SLMAP: variants seen among roughly 807,000 people sequenced by gnomAD.
SLMAP encodes the protein sarcolemmal membrane-associated protein.
In SLMAP, 44 loss-of-function variants were observed where a neutral mutation model predicts 128.8. The ratio of observed to expected loss-of-function variants is 0.34; its 90% CI spans 0.27 to 0.44. The LOEUF is 0.44. Among genes scored for constraint, SLMAP ranks in the 20% least tolerant of loss-of-function variants. The probability of loss-of-function intolerance (pLI) is 1.00; values close to 1 mark genes in which losing one functional copy is unlikely to be tolerated. For missense variants in SLMAP, 787 were observed against 985.3 expected, an observed-to-expected ratio of 0.80 and a Z score of 2.69; for synonymous variants, 327 against 348.8, an observed-to-expected ratio of 0.94 and a Z score of 0.70.
chr3:57,872,891 A>T (rs2095515548), intron 14 of SLMAP, among the ~76,000 whole-genome samples: 1 of 152,098 alleles, frequency 6.6e-6, no homozygotes, highest in African/African-American at 2.4e-5. Context: ...CCTTTCTTGG[A>T]AATGTGGTTT....
intron 2 of SLMAP, among the ~76,000 whole-genome samples, chr3:57,821,940 T>A (rs2092560080): frequency 6.6e-6 from 1 of 151,844 alleles, no homozygotes; most frequent in Non-Finnish European, 1.5e-5. Context: ...CTCCTCCTCC[T>A]CTTTCTCCTT....
In SLMAP at chr3:57,757,504, A is replaced by C. The variant is rs1423163274; in HGVS notation, c.-148A>C. On this transcript the variant is annotated 5_prime_UTR_variant, in exon 2 of 25. It removes an upstream start codon present in the reference 5' UTR. Coordinates refer to ENST00000671191, the MANE Select transcript of SLMAP (RefSeq NM_001377540.1). ...GTCTTCCCACCCAAGTGAAGAGTTG[A>C]TGTTCACTGGTTATGCTTAGACAAT... is the stretch of plus-strand genomic sequence containing the variant. 5.8e-6 allele frequency: 4 copies of C among 687,548 alleles called. No homozygotes were observed. The highest frequency in any genetic ancestry group is 1.0e-5 in the Non-Finnish European group (4 of 400,340). The allele number at this position is 687,548 out of a possible 1,614,324, so 42.6% of individuals were successfully genotyped here.
intron 17 of SLMAP, among the ~76,000 whole-genome samples, chr3:57,906,337 A>T: frequency 2.1e-5 from 1 of 46,874 alleles, no homozygotes; most frequent in African/African-American, 8.1e-5. Flanking sequence ...TTTTTTAGAG[A>T]CACAGTCACT....
chr3:57,864,580 G>A lies in SLMAP; in HGVS notation c.999G>A (p.Gln333=), dbSNP rs753129704. ...AGGGAAAACAAGAGGAAATCCAACA[G>A]AAGGGACAGGCTGAGAAAAAAGAAT... ...VAEGKQEEIQ[Q]KGQAEKKELQ... is the part of the protein sequence containing the mutation. The change falls in exon 11 of 25, where the codon CAG becomes CAA. Residue 333 remains glutamine, a synonymous_variant. Transcript: ENST00000671191. 1 of 1,580,260 alleles carries A rather than the reference G, an allele frequency of 6.3e-7. No individual in the cohort carries two copies.
At chr3:57,835,889 A>G (rs894901857) in intron 3 of SLMAP, among the ~76,000 whole-genome samples, 2 of 146,846 alleles carry the variant, frequency 1.4e-5, no homozygotes, top group Admixed American at 6.6e-5. Flanking sequence ...ACAATACTAT[A>G]TAGTGCTTTT....
intron 2 of SLMAP, among the ~76,000 whole-genome samples, chr3:57,763,033 TATTA>T (rs1163413626): frequency 2.6e-5 from 4 of 152,062 alleles, no homozygotes. Flanking sequence ...CTAGAATGGT[TATTA>T]ATTCCTCTGT....
At chr3:57,886,377 G>A (rs1385861968) in intron 14 of SLMAP, among the ~76,000 whole-genome samples, 1 of 152,178 alleles carries the variant, frequency 6.6e-6, no homozygotes, top group Admixed American at 6.5e-5. Flanking sequence ...GGGATTACAG[G>A]CATGAGCCAC....
intron 14 of SLMAP, among the ~76,000 whole-genome samples, chr3:57,874,377 C>A (rs1262930032): frequency 6.6e-6 from 1 of 152,142 alleles, no homozygotes; most frequent in African/African-American, 2.4e-5. Context: ...CTAATGAGAG[C>A]AGATAATTAT....
intron 14 of SLMAP, among the ~76,000 whole-genome samples, chr3:57,881,989 G>A (rs1213109949): frequency 1.3e-5 from 2 of 152,006 alleles, no homozygotes; most frequent in African/African-American, 4.8e-5. Flanking sequence ...CCTGGTCAAT[G>A]TAGCAAGATG....
At chr3:57,791,212 T>G (rs2085380163) in intron 2 of SLMAP, among the ~76,000 whole-genome samples, 1 of 152,020 alleles carries the variant, frequency 6.6e-6, no homozygotes, top group African/African-American at 2.4e-5. Context: ...AAAAAAAAAT[T>G]AGCTGGGCAT....
intron 13 of SLMAP, among the ~76,000 whole-genome samples, chr3:57,867,487 A>G (rs1296191069): frequency 6.6e-6 from 1 of 152,124 alleles, no homozygotes; most frequent in Non-Finnish European, 1.5e-5. Context: ...CCTTGCCATA[A>G]TTATTTTTTC....
intron 17 of SLMAP, among the ~76,000 whole-genome samples, chr3:57,906,666 GAAA>G (rs1206959758): frequency 1.0e-3 from 25 of 24,728 alleles, no homozygotes; most frequent in African/African-American, 2.4e-3. Flanking sequence ...CTATGAATAT[GAAA>G]AAAAAATATA....
At chr3:57,868,794 GAATATATATATATATATATATATATATAA>G (rs1192346597) in intron 13 of SLMAP, among the ~76,000 whole-genome samples, 2 of 52,196 alleles carry the variant, frequency 3.8e-5, no homozygotes, top group South Asian at 5.9e-4. Flanking sequence ...AGAACTAATG[GAATATATATATATATATATATATATATAA>G]AATATATATA....
intron 17 of SLMAP, chr3:57,898,851 T>C (rs1444053333): frequency 6.6e-6 from 1 of 152,232 alleles, no homozygotes; most frequent in Non-Finnish European, 1.5e-5. Flanking sequence ...ATTGCTTAAC[T>C]GCTCTGTGAT....
At chr3:57,831,683 C>T (rs563242612) in intron 3 of SLMAP, 153 bp downstream of exon 3, 30 of 220,568 alleles carry the variant, frequency 1.4e-4, no homozygotes, top group Non-Finnish European at 2.1e-4. Flanking sequence ...TCATACTTTC[C>T]GTATTGCTCT....
rs987507201 is a variant in SLMAP at position 57,856,002 on chromosome 3, C to A, written c.520-1731C>A. ...AGGTTGCAGTGAGCCAAGATCGCGCCATTGCACTCCAGCCTGGGCAACAGA... is the reference window on the plus strand; with the variant it reads ...AGGTTGCAGTGAGCCAAGATCGCGCAATTGCACTCCAGCCTGGGCAACAGA... On this transcript the variant is annotated intron_variant, in intron 6 of 24. Transcript: ENST00000671191. Among the ~76,000 whole-genome samples, 3 of 151,698 alleles carry A rather than the reference C, an allele frequency of 2.0e-5. No homozygotes were observed. The South Asian group carries it at 6.3e-4, about 32-fold the overall frequency.
chr3:57,894,238 G>A (rs559406760), intron 15 of SLMAP, among the ~76,000 whole-genome samples: 141 of 152,194 alleles, frequency 9.3e-4, no homozygotes, highest in African/African-American at 3.3e-3. Context: ...TGTCTCTGTT[G>A]TAGATCCTTC....
chr3:57,800,884 C>A, intron 2 of SLMAP: 1 of 187,900 alleles, frequency 5.3e-6, no homozygotes. Context: ...CCGTTATACT[C>A]ACAGGCCAAG....
At chr3:57,905,809 T>C (rs1280699306) in intron 17 of SLMAP, among the ~76,000 whole-genome samples, 1 of 152,114 alleles carries the variant, frequency 6.6e-6, no homozygotes, top group Non-Finnish European at 1.5e-5. Flanking sequence ...ACACAGGACA[T>C]TTTACCTCCC....
Sources: gnomAD v4.1 joint callset for allele counts (sites outside exome capture counted in the v4.1 genomes callset) on GRCh38, gnomAD v4.1.1 for gene constraint, MANE v1.5 for transcripts, NCBI Gene and HGNC (gene_info 2026-07-23, HGNC 2026-07-21) for gene names.